Variants in PCDH15 observed in about 807,000 individuals in gnomAD.
PCDH15 encodes the protein protocadherin related 15, also known as protocadherin-15.
A neutral mutation model predicts 178.5 loss-of-function variants in PCDH15; 129 were observed. The ratio of observed to expected loss-of-function variants is 0.72; its 90% confidence interval spans 0.63 to 0.84. The LOEUF is 0.84. Among genes scored for constraint, PCDH15 ranks in the 40% least tolerant of loss-of-function variants. The pLI, the probability that PCDH15 is intolerant of heterozygous loss-of-function variation, is 0.00. For synonymous variants in PCDH15, 800 were observed against 732.0 expected (o/e 1.09, Z -1.50); for missense variants, 2,230 against 2,099.9 (o/e 1.06, Z -1.21).
At chr10:54,279,201 G>A (rs2058528130) in intron 8 of PCDH15, among the ~76,000 whole-genome samples, 1 of 151,390 alleles carries the variant, frequency 6.6e-6, no homozygotes, top group Admixed American at 6.6e-5. Flanking sequence ...GGGCATGTTA[G>A]GCTGGGCAGC....
chr10:55,190,651 T>G (rs752458813), intron 1 of PCDH15, among the ~76,000 whole-genome samples: 1 of 151,746 alleles, frequency 6.6e-6, no homozygotes, highest in African/African-American at 2.4e-5. Flanking sequence ...TATAAACAGA[T>G]GTTTAGAATA....
chr10:55,581,145 T>C (rs7918043), intron 2 of PCDH15, among the ~76,000 whole-genome samples: 51,963 of 151,890 alleles, frequency 0.34, 9,146 homozygotes, highest in East Asian at 0.49. Context: ...TATGGCCATA[T>C]ATAGAGTCAG....
intron 23 of PCDH15, among the ~76,000 whole-genome samples, chr10:53,956,405 TAA>T (rs1419791276): frequency 6.6e-6 from 1 of 152,166 alleles, no homozygotes; most frequent in Non-Finnish European, 1.5e-5. Flanking sequence ...TCATTAGCCT[TAA>T]GTTTCTTTAT....
chr10:54,142,145 T>C (rs1484998689), intron 14 of PCDH15, among the ~76,000 whole-genome samples: 2 of 152,210 alleles, frequency 1.3e-5, no homozygotes, highest in Non-Finnish European at 2.9e-5. Context: ...ATGAGTAACC[T>C]AACTACTTTA....
intron 2 of PCDH15, among the ~76,000 whole-genome samples, chr10:55,568,835 T>C (rs1294348576): frequency 6.6e-5 from 10 of 152,050 alleles, no homozygotes; most frequent in Non-Finnish European, 1.0e-4. Flanking sequence ...TTATTCATCA[T>C]TGAGCAAAGA....
At chr10:53,897,724 C>G (rs1468281928) in intron 26 of PCDH15, among the ~76,000 whole-genome samples, 1 of 152,114 alleles carries the variant, frequency 6.6e-6, no homozygotes, top group East Asian at 1.9e-4. Context: ...TAAACCCTGG[C>G]AGCCAATATT....
intron 1 of PCDH15, among the ~76,000 whole-genome samples, chr10:54,762,122 G>A (rs1947953155): frequency 6.6e-6 from 1 of 152,056 alleles, no homozygotes; most frequent in Admixed American, 6.6e-5. Context: ...ACCTATGTAT[G>A]AGCTATAGCA....
chr10:54,966,202 A>G (rs1564671836), intron 2 of PCDH15, among the ~76,000 whole-genome samples: 3 of 152,076 alleles, frequency 2.0e-5, no homozygotes, highest in South Asian at 2.1e-4. Flanking sequence ...TTTTAAAAAA[A>G]TATTGTTTTC....
At chr10:55,314,198 T>A (rs983874390) in intron 1 of PCDH15, among the ~76,000 whole-genome samples, 2 of 120,672 alleles carry the variant, frequency 1.7e-5, no homozygotes, top group Non-Finnish European at 3.3e-5. Context: ...TATGTTTGTG[T>A]GTATATATAT....
Position 53,812,454 on chromosome 10 carries a change from C to T in PCDH15, c.4492-835G>A, listed in dbSNP as rs113851377. On this transcript the variant is annotated intron_variant, in intron 35 of 37. Transcript: ENST00000644397. Reference sequence around the variant, plus strand: ...GTTCTTGATCTCCTGACCTCGTGATCAGCCCCAATCGGCCTCCCAAAGTGC... The same window carrying T: ...GTTCTTGATCTCCTGACCTCGTGATTAGCCCCAATCGGCCTCCCAAAGTGC... Among the ~76,000 whole-genome samples the T allele has an allele frequency of 6.8e-3, 1,032 of 152,104 alleles. 15 individuals are homozygous for T. The highest frequency in any genetic ancestry group is 0.024 in the African/African-American group (990 of 41,502).
chr10:54,898,002 T>C (rs1489050049), intron 2 of PCDH15, among the ~76,000 whole-genome samples: 2 of 152,156 alleles, frequency 1.3e-5, no homozygotes, highest in Non-Finnish European at 2.9e-5. Flanking sequence ...AGACGTAATC[T>C]CCAGTGTTAG....
chr10:55,510,122 G>T (rs1840846748), intron 2 of PCDH15, among the ~76,000 whole-genome samples: 1 of 151,844 alleles, frequency 6.6e-6, no homozygotes, highest in South Asian at 2.1e-4. Context: ...GTGTTAAAAG[G>T]TTCTACTGAA....
chr10:54,513,472 A>G (rs1358034060), intron 3 of PCDH15, among the ~76,000 whole-genome samples: 1 of 152,024 alleles, frequency 6.6e-6, no homozygotes, highest in Non-Finnish European at 1.5e-5. Context: ...CAAACACACC[A>G]GTATTCCCTC....
chr10:54,804,080 C>T (rs939746544), upstream of PCDH15, among the ~76,000 whole-genome samples: 9 of 151,900 alleles, frequency 5.9e-5, no homozygotes, highest in Non-Finnish European at 1.3e-4. Flanking sequence ...TGCTCTTTCG[C>T]CCAGGCGGGA....
At chr10:55,095,753 T>TA (rs1168209718) in intron 2 of PCDH15, among the ~76,000 whole-genome samples, 2 of 152,084 alleles carry the variant, frequency 1.3e-5, no homozygotes, top group Non-Finnish European at 2.9e-5. Context: ...TGATAACAGG[T>TA]AAAAAATTGT....
intron 10 of PCDH15, among the ~76,000 whole-genome samples, chr10:54,202,810 C>A: frequency 1.9e-5 from 1 of 52,030 alleles, no homozygotes. Flanking sequence ...GAAACCCCAC[C>A]TCAAAAAAAA....
intron 2 of PCDH15, among the ~76,000 whole-genome samples, chr10:55,039,688 G>A (rs1922167): frequency 0.026 from 4,024 of 152,226 alleles, 280 homozygotes; most frequent in East Asian, 0.22. Flanking sequence ...ACTTGAGGGA[G>A]ATGGAGGAGA....
At chr10:54,710,548 T>C (rs1443879648) in intron 1 of PCDH15, among the ~76,000 whole-genome samples, 1 of 152,014 alleles carries the variant, frequency 6.6e-6, no homozygotes, top group Admixed American at 6.6e-5. Flanking sequence ...AACACCTCTA[T>C]AATGACCACA....
chr10:54,440,712 ATATT>A (rs1164864313), intron 3 of PCDH15, among the ~76,000 whole-genome samples: 2 of 151,972 alleles, frequency 1.3e-5, no homozygotes, highest in African/African-American at 4.8e-5. Flanking sequence ...ATTTTGGTCC[ATATT>A]TATTTATCTA....
Sources: gnomAD v4.1 joint callset for allele counts (sites outside exome capture counted in the v4.1 genomes callset) on GRCh38, gnomAD v4.1.1 for gene constraint, MANE v1.5 for transcripts, NCBI Gene and HGNC (gene_info 2026-07-23, HGNC 2026-07-21) for gene names.